LRP1B: variants seen among roughly 807,000 people sequenced by gnomAD.
The protein encoded by LRP1B is low-density lipoprotein receptor-related protein 1B.
A neutral mutation model predicts 556.6 loss-of-function variants in LRP1B; 217 were observed. The ratio of observed to expected loss-of-function variants is 0.39; its 90% confidence interval spans 0.35 to 0.44. The LOEUF is 0.44. LRP1B is among the 20% of genes least tolerant of loss of function. The pLI, the probability that LRP1B is intolerant of heterozygous loss-of-function variation, is 1.00. For synonymous variants in LRP1B, 2,047 were observed against 1,865.8 expected, an observed-to-expected ratio of 1.10 and a Z score of -2.50; for missense variants, 5,053 against 5,620.8, an observed-to-expected ratio of 0.90 and a Z score of 3.23.
chr2:141,129,936 G>T (rs1157548938), intron 7 of LRP1B, among the ~76,000 whole-genome samples: 1 of 151,938 alleles, frequency 6.6e-6, no homozygotes, highest in Admixed American at 6.6e-5. Flanking sequence ...TTTTGGAAAA[G>T]AAGACAAAGT....
In LRP1B at chr2:140,867,638, C is replaced by T. The variant is rs376081532; in HGVS notation, c.4531G>A (p.Ala1511Thr). 1.9e-6 allele frequency: 3 copies of T among 1,613,304 alleles called. No homozygotes were observed. In the African/African-American group the frequency reaches 4.0e-5, roughly 22 times the overall value. Residue 1511 changes from alanine (A) to threonine (T), a missense_variant, in exon 27 of 91, where the codon GCA becomes ACA. Ala to Thr is a moderately conservative substitution (Grantham distance 58). Transcript: ENST00000389484. ...TATATCTGAAGGTCAAATGGCTGTGCACTGGTTTTCTGAATCACACTGACA... is the reference window on the plus strand; with the variant it reads ...TATATCTGAAGGTCAAATGGCTGTGTACTGGTTTTCTGAATCACACTGACA... ...QNVSVIQKTS[A>T]QPFDLQIYHP...
At chr2:141,501,337 A>G (rs1683703632) in intron 2 of LRP1B, among the ~76,000 whole-genome samples, 1 of 152,158 alleles carries the variant, frequency 6.6e-6, no homozygotes, top group Non-Finnish European at 1.5e-5. Flanking sequence ...CATGAGTCCC[A>G]TAATATGAGA....
At chr2:140,876,003 TAGA>T (rs1488889151) in intron 25 of LRP1B, among the ~76,000 whole-genome samples, 1 of 152,144 alleles carries the variant, frequency 6.6e-6, no homozygotes, top group Non-Finnish European at 1.5e-5. Context: ...TGGTTCTCTT[TAGA>T]AGGTGGTTTT....
intron 66 of LRP1B, among the ~76,000 whole-genome samples, chr2:140,433,825 T>C (rs1008107568): frequency 1.8e-5 from 2 of 113,414 alleles, no homozygotes; most frequent in East Asian, 4.0e-4. Flanking sequence ...ATTTCTTCTG[T>C]TTTTTTTTTC....
intron 51 of LRP1B, among the ~76,000 whole-genome samples, chr2:140,512,122 C>T (rs963792390): frequency 6.6e-6 from 1 of 152,056 alleles, no homozygotes; most frequent in African/African-American, 2.4e-5. Flanking sequence ...GAAAGAGCCC[C>T]GATTTGGCAG....
intron 7 of LRP1B, among the ~76,000 whole-genome samples, chr2:141,083,273 A>G (rs1371962053): frequency 6.6e-6 from 1 of 152,158 alleles, no homozygotes; most frequent in East Asian, 1.9e-4. Flanking sequence ...GCAATTAAAC[A>G]AGTCTAAAGA....
intron 26 of LRP1B, 101 bp downstream of exon 26, chr2:140,867,998 A>T (rs2105155223): frequency 7.5e-7 from 1 of 1,327,042 alleles, no homozygotes; most frequent in Non-Finnish European, 1.0e-6. Context: ...CTCCAATTTT[A>T]ATATATGTAT....
At chr2:141,319,143 GT>G (rs1156693149) in intron 3 of LRP1B, among the ~76,000 whole-genome samples, 6 of 151,932 alleles carry the variant, frequency 3.9e-5, no homozygotes, top group Admixed American at 3.9e-4. Flanking sequence ...ACTATATTGT[GT>G]ATTTGAGTAA....
intron 3 of LRP1B, among the ~76,000 whole-genome samples, chr2:141,320,608 C>T (rs142121987): frequency 6.6e-6 from 1 of 152,018 alleles, no homozygotes; most frequent in Admixed American, 6.6e-5. Context: ...AACCTGCAGC[C>T]TGAAACTGCC....
chr2:141,974,959 T>C (rs932517777), intron 1 of LRP1B, among the ~76,000 whole-genome samples: 1 of 152,108 alleles, frequency 6.6e-6, no homozygotes, highest in African/African-American at 2.4e-5. Context: ...GTGAAAGTTA[T>C]ATTGCACATC....
intron 41 of LRP1B, among the ~76,000 whole-genome samples, chr2:140,665,252 C>A (rs1685226753): frequency 6.6e-6 from 1 of 152,012 alleles, no homozygotes; most frequent in Admixed American, 6.5e-5. Context: ...TTTTTTTCTC[C>A]TTTGACACCT....
chr2:141,708,276 C>G lies in LRP1B; in HGVS notation c.205+102003G>C, dbSNP rs74591074. ...CTATTTATGTAAAATGTATTCACCCCTAGATAGTGTAATGATATCAAAGGG... is the reference window on the plus strand; with the variant it reads ...CTATTTATGTAAAATGTATTCACCCGTAGATAGTGTAATGATATCAAAGGG... On this transcript the variant is annotated intron_variant, in intron 2 of 90. Transcript: ENST00000389484. Among the ~76,000 whole-genome samples, 745 of 152,006 alleles carry G rather than the reference C, an allele frequency of 4.9e-3. 10 individuals carry two copies. The highest frequency in any genetic ancestry group is 0.017 in the African/African-American group (715 of 41,488).
At chr2:141,032,564 T>C (rs1698403473) in intron 11 of LRP1B, among the ~76,000 whole-genome samples, 1 of 152,034 alleles carries the variant, frequency 6.6e-6, no homozygotes, top group Non-Finnish European at 1.5e-5. Flanking sequence ...TACATTTTTG[T>C]GATTAGTATG....
intron 3 of LRP1B, among the ~76,000 whole-genome samples, chr2:141,453,239 A>C (rs1681490653): frequency 6.6e-6 from 1 of 151,876 alleles, no homozygotes; most frequent in African/African-American, 2.4e-5. Flanking sequence ...TCCATCTCAA[A>C]ATAAAAAAAA....
chr2:141,206,730 C>T (rs1348344578), intron 6 of LRP1B, among the ~76,000 whole-genome samples: 2 of 152,112 alleles, frequency 1.3e-5, no homozygotes, highest in Non-Finnish European at 2.9e-5. Flanking sequence ...ATCTTTTCCA[C>T]ACAAACTTGT....
chr2:140,980,432 A>T (rs185405804), intron 18 of LRP1B, among the ~76,000 whole-genome samples: 19 of 152,274 alleles, frequency 1.2e-4, no homozygotes, highest in Non-Finnish European at 2.2e-4. Context: ...GTCAGGCTCC[A>T]GATATTCTAT....
In LRP1B at chr2:141,020,192, T is replaced by C. The variant is rs190536452; in HGVS notation, c.1790-90A>G. The C allele has an allele frequency of 2.2e-4, 182 of 840,108 alleles. 1 individual carries two copies. The Admixed American group carries it at 2.4e-3, about 11-fold the overall frequency. 52.0% of individuals were successfully genotyped at this position (840,108 alleles called of 1,614,324 possible). A position where few individuals can be genotyped will look rare whatever the true frequency, so the allele number is the denominator to read the frequency against. ...ACTAATAGCTACCTAATAAAAACTT[T>C]AGTTCAAAAAGGAAAGAACTCTGAT... On this transcript the variant is annotated intron_variant, in intron 11 of 90. Coordinates refer to ENST00000389484, the MANE Select transcript of LRP1B (RefSeq NM_018557.3).
At chr2:140,467,126 C>A (rs975735214) in intron 60 of LRP1B, among the ~76,000 whole-genome samples, 2 of 152,074 alleles carry the variant, frequency 1.3e-5, no homozygotes, top group Non-Finnish European at 1.5e-5. Flanking sequence ...GAAGGCTATA[C>A]TTTTTGAAAT....
Position 142,078,687 on chromosome 2 carries a change from T to A in LRP1B, c.82+51961A>T, listed in dbSNP as rs116480002. 6.9e-3 allele frequency among the ~76,000 whole-genome samples: 1,054 copies of A among 152,288 alleles called. 17 individuals carry two copies. The highest frequency in any genetic ancestry group is 0.024 in the African/African-American group (1,007 of 41,574). On this transcript the variant is annotated intron_variant, in intron 1 of 90. Coordinates refer to ENST00000389484, the MANE Select transcript of LRP1B (RefSeq NM_018557.3). ...GTCTAAGCTCTATTCCTATTACCCTTTAAAAAATATTATTTACTTTCAGTT... is the reference window on the plus strand; with the variant it reads ...GTCTAAGCTCTATTCCTATTACCCTATAAAAAATATTATTTACTTTCAGTT...
Sources: allele counts gnomAD v4.1 joint callset (sites outside exome capture counted in the v4.1 genomes callset), GRCh38; gene constraint gnomAD v4.1.1; transcripts MANE v1.5; gene names NCBI Gene and HGNC (gene_info 2026-07-23, HGNC 2026-07-21).